Variants in CPED1 observed in about 807,000 individuals in gnomAD.
CPED1 encodes the protein cadherin-like and PC-esterase domain-containing protein 1.
CPED1 carries 114 observed loss-of-function variants against 128.2 expected under a neutral mutation model. That is an observed-to-expected ratio of 0.89 (90% CI 0.76 to 1.04). The LOEUF (loss-of-function observed/expected upper bound fraction) is 1.04. Among genes scored for constraint, CPED1 ranks in the 50% least tolerant of loss-of-function variants. The pLI is 0.00. For synonymous variants in CPED1, 462 were observed against 426.7 expected (o/e 1.08, Z -1.02); for missense variants, 1,211 against 1,207.1 (o/e 1.00, Z -0.05).
intron 3 of CPED1, among the ~76,000 whole-genome samples, chr7:121,021,035 T>A (rs1367978388): frequency 6.6e-6 from 1 of 151,818 alleles, no homozygotes. Flanking sequence ...GGGGCTAGAG[T>A]TAATACTACA....
chr7:121,278,571 A>C (rs1360872019), intron 22 of CPED1, among the ~76,000 whole-genome samples: 1 of 152,174 alleles, frequency 6.6e-6, no homozygotes, highest in African/African-American at 2.4e-5. Context: ...ATGTAGTTTC[A>C]AACAGTTCTT....
At chr7:121,011,784 A>C (rs1330266332) in intron 2 of CPED1, among the ~76,000 whole-genome samples, 2 of 152,204 alleles carry the variant, frequency 1.3e-5, no homozygotes, top group Non-Finnish European at 2.9e-5. Context: ...GTAGAGGAAA[A>C]CATATATCAG....
chr7:121,222,102 G>C (rs1797892248), intron 16 of CPED1, among the ~76,000 whole-genome samples: 1 of 152,152 alleles, frequency 6.6e-6, no homozygotes, highest in South Asian at 2.1e-4. Flanking sequence ...TAACATTTAA[G>C]TCTTTAATCT....
intron 3 of CPED1, among the ~76,000 whole-genome samples, chr7:121,021,536 G>T (rs1256596823): frequency 1.3e-5 from 2 of 151,962 alleles, no homozygotes; most frequent in Non-Finnish European, 2.9e-5. Context: ...CTATAAGGAA[G>T]TCGAGCTTTA....
At chr7:121,096,658 A>G (rs1190222756) in intron 5 of CPED1, among the ~76,000 whole-genome samples, 3 of 152,220 alleles carry the variant, frequency 2.0e-5, no homozygotes, top group Non-Finnish European at 2.9e-5. Context: ...AGCAAAAGAA[A>G]AACATTACAA....
chr7:121,186,560 C>T (rs1325233611), intron 16 of CPED1, among the ~76,000 whole-genome samples: 3 of 152,112 alleles, frequency 2.0e-5, no homozygotes, highest in Non-Finnish European at 4.4e-5. Flanking sequence ...GCACTATACA[C>T]ACATCTACCA....
intron 16 of CPED1, among the ~76,000 whole-genome samples, chr7:121,157,334 C>T (rs557252596): frequency 2.4e-3 from 368 of 152,178 alleles, no homozygotes; most frequent in African/African-American, 7.2e-3. Context: ...AATATAGTGA[C>T]GGGGGCAGTC....
chr7:121,022,104 G>A (rs1792454892), intron 3 of CPED1, among the ~76,000 whole-genome samples: 2 of 151,554 alleles, frequency 1.3e-5, no homozygotes, highest in Non-Finnish European at 2.9e-5. Flanking sequence ...TGTCTTTTAT[G>A]CTTATCATTT....
chr7:121,124,267 C>T lies in CPED1; in HGVS notation c.919-64C>T, dbSNP rs546770429. The T allele has an allele frequency of 2.5e-5, 37 of 1,466,780 alleles. No individual in the cohort carries two copies. The Admixed American group carries it at 4.9e-4, about 19-fold the overall frequency. 90.9% of individuals were successfully genotyped at this position (1,466,780 alleles called of 1,614,324 possible). On this transcript the variant is annotated intron_variant, in intron 7 of 22. Coordinates refer to ENST00000310396, the MANE Select transcript of CPED1 (RefSeq NM_024913.5). Reference sequence around the variant, plus strand: ...TAGAACAATCCTTCAAATTGGTCACCTTGAAAATGATAGACAAACTGAGGC... The same window carrying T: ...TAGAACAATCCTTCAAATTGGTCACTTTGAAAATGATAGACAAACTGAGGC...
At chr7:121,064,184 T>G in intron 4 of CPED1, 54 bp from the exon 5 acceptor site, 1 of 1,235,564 alleles carries the variant, frequency 8.1e-7, no homozygotes, top group Non-Finnish European at 1.2e-6. Flanking sequence ...TGCTTGGTTT[T>G]GCTTTAGCGT....
At chr7:121,173,189 A>G (rs1394107698) in intron 16 of CPED1, among the ~76,000 whole-genome samples, 2 of 152,158 alleles carry the variant, frequency 1.3e-5, no homozygotes, top group Admixed American at 1.3e-4. Flanking sequence ...TAGTGTTTAC[A>G]TCTCCATACT....
chr7:121,263,397 A>C (rs1334097366), intron 18 of CPED1, among the ~76,000 whole-genome samples: 1 of 152,104 alleles, frequency 6.6e-6, no homozygotes, highest in Non-Finnish European at 1.5e-5. Flanking sequence ...GGTGGCATGC[A>C]TTCATTTTGT....
At chr7:120,995,334 T>C (rs937800233) in intron 2 of CPED1, among the ~76,000 whole-genome samples, 10 of 152,212 alleles carry the variant, frequency 6.6e-5, no homozygotes, top group African/African-American at 1.9e-4. Flanking sequence ...AGTGACTCTT[T>C]CTTGAAATTT....
chr7:121,293,184 T>C (rs1792747591), intron 22 of CPED1, among the ~76,000 whole-genome samples: 1 of 152,290 alleles, frequency 6.6e-6, no homozygotes, highest in South Asian at 2.1e-4. Context: ...AGCCCCTGAC[T>C]AGGGCTGCTG....
chr7:121,251,933 T>C (rs1463585170), intron 18 of CPED1, among the ~76,000 whole-genome samples: 2 of 151,964 alleles, frequency 1.3e-5, no homozygotes, highest in Admixed American at 1.3e-4. Context: ...AAGCTACCAA[T>C]GACTTTCTTC....
At position 121,266,267 on chromosome 7, in the gene CPED1, ACTAT is replaced by A. The variant is rs1190853502; in HGVS notation, c.2354_2357del (p.Tyr785LeufsTer5). On this transcript the variant is annotated frameshift_variant, in exon 19 of 23. Transcript: ENST00000310396. LOFTEE classifies it high-confidence loss of function. ...GATTCAACCAACAGAGGGATCATGT[ACTAT>A]CTTATTGAAAGGCTGAATGAAACGT... 8 of 1,612,948 alleles carry A rather than the reference ACTAT, an allele frequency of 5.0e-6. No individual in the cohort carries two copies. The highest frequency in any genetic ancestry group is 6.8e-6 in the Non-Finnish European group (8 of 1,179,340).
At chr7:121,279,716 A>C (rs936459079) in intron 22 of CPED1, among the ~76,000 whole-genome samples, 1 of 152,220 alleles carries the variant, frequency 6.6e-6, no homozygotes, top group African/African-American at 2.4e-5. Flanking sequence ...ACCCCAGCCC[A>C]TACAGTTGGG....
chr7:121,088,136 A>G (rs555543647), intron 5 of CPED1, among the ~76,000 whole-genome samples: 1 of 152,328 alleles, frequency 6.6e-6, no homozygotes, highest in Non-Finnish European at 1.5e-5. Context: ...TTTATTTAGC[A>G]GTTTAAAACA....
chr7:120,993,269 C>G (rs1211075744), intron 2 of CPED1, among the ~76,000 whole-genome samples: 5 of 152,106 alleles, frequency 3.3e-5, no homozygotes, highest in Admixed American at 2.0e-4. Flanking sequence ...TAAACAGAAG[C>G]AATGAAAGAA....
Sources: allele counts gnomAD v4.1 joint callset (sites outside exome capture counted in the v4.1 genomes callset), GRCh38; gene constraint gnomAD v4.1.1; transcripts MANE v1.5; gene names NCBI Gene and HGNC (gene_info 2026-07-23, HGNC 2026-07-21).